KCND3: variants seen among roughly 807,000 people sequenced by gnomAD.
KCND3 encodes the protein A-type voltage-gated potassium channel KCND3.
A neutral mutation model predicts 51.1 loss-of-function variants in KCND3; 9 were observed. The observed-to-expected ratio is 0.18, with a 90% confidence interval of 0.11 to 0.31. KCND3 has a LOEUF of 0.31. Ranked by LOEUF, KCND3 falls within the 10% of genes least tolerant of loss-of-function variation. The probability of loss-of-function intolerance (pLI) is 1.00; values close to 1 mark genes in which losing one functional copy is unlikely to be tolerated. For synonymous variants in KCND3, 349 were observed against 368.0 expected, an observed-to-expected ratio of 0.95 and a Z score of 0.59; for missense variants, 526 against 903.8, an observed-to-expected ratio of 0.58 and a Z score of 5.36.
At chr1:111,812,902 T>A (rs1035362908) in intron 2 of KCND3, among the ~76,000 whole-genome samples, 5 of 152,178 alleles carry the variant, frequency 3.3e-5, no homozygotes, top group African/African-American at 1.2e-4. Flanking sequence ...TCCAGGAAGA[T>A]GTTCTCCCAG....
chr1:111,807,526 A>C (rs947033694), intron 2 of KCND3, among the ~76,000 whole-genome samples: 1 of 152,054 alleles, frequency 6.6e-6, no homozygotes, highest in African/African-American at 2.4e-5. Context: ...AAATACAAAA[A>C]ATAGCTGTGT....
At position 111,823,051 on chromosome 1, in the gene KCND3, G is replaced by A. The variant is rs114685757; in HGVS notation, c.1107-35945C>T. ...CCCAGACAGACGGCGGGGGACCCAC[G>A]GGGTGGCTATGGGCGGAATCACAGA... On this transcript the variant is annotated intron_variant, in intron 2 of 7. Transcript: ENST00000302127. 5.7e-3 allele frequency among the ~76,000 whole-genome samples: 867 copies of A among 152,290 alleles called. 11 individuals are homozygous for A. The highest frequency in any genetic ancestry group is 0.02 in the African/African-American group (823 of 41,554).
intron 1 of KCND3, among the ~76,000 whole-genome samples, chr1:111,986,348 C>G (rs1675285537): frequency 6.6e-6 from 1 of 152,230 alleles, no homozygotes; most frequent in African/African-American, 2.4e-5. Context: ...TGGCTAAGTT[C>G]TGTGTATATG....
intron 2 of KCND3, among the ~76,000 whole-genome samples, chr1:111,793,270 G>T (rs555770226): frequency 6.6e-6 from 1 of 151,472 alleles, no homozygotes; most frequent in African/African-American, 2.4e-5. Flanking sequence ...CTGCCTCCTG[G>T]GTTCATGCCA....
chr1:111,783,505 T>C (rs946576256), intron 3 of KCND3, among the ~76,000 whole-genome samples: 2 of 152,212 alleles, frequency 1.3e-5, no homozygotes, highest in Admixed American at 1.3e-4. Context: ...AATACTTCTA[T>C]CAATCCTTGG....
chr1:111,982,737 GCT>G lies in KCND3; in HGVS notation c.-13_-12del. ...AACTCCGGCCGCCATGGTGACTCCA[GCT>G]CTTGGGCCGGCAGCCGCGCGGACGC... On this transcript the variant is annotated 5_prime_UTR_variant, in exon 2 of 8. Transcript: ENST00000302127. This position sits in a 1 kb window ranked among gnomAD's most constrained non-coding sequence, Gnocchi z 8.5. The G allele has an allele frequency of 4.4e-6, 7 of 1,600,306 alleles. No individual in the cohort carries two copies. Among genetic ancestry groups the G allele is most frequent in the Non-Finnish European group, 5.1e-6 (6 of 1,178,662 alleles).
At chr1:111,800,545 AT>A (rs1465286852) in intron 2 of KCND3, among the ~76,000 whole-genome samples, 2 of 139,944 alleles carry the variant, frequency 1.4e-5, no homozygotes, top group African/African-American at 2.7e-5. Flanking sequence ...CAATAAAAAA[AT>A]AAATTTAAAA....
At chr1:111,892,576 A>G (rs1669881247) in intron 2 of KCND3, among the ~76,000 whole-genome samples, 1 of 152,250 alleles carries the variant, frequency 6.6e-6, no homozygotes, top group Admixed American at 6.5e-5. Context: ...AGACCAGGCT[A>G]TGTTTCCTGG....
chr1:111,806,185 C>A (rs1302079698), intron 2 of KCND3, among the ~76,000 whole-genome samples: 1 of 152,198 alleles, frequency 6.6e-6, no homozygotes, highest in Non-Finnish European at 1.5e-5. Context: ...CGGGGTCACT[C>A]AAAGGGGGGC....
At chr1:111,788,871 C>T (rs1251590254) in intron 2 of KCND3, among the ~76,000 whole-genome samples, 1 of 152,166 alleles carries the variant, frequency 6.6e-6, no homozygotes, top group Non-Finnish European at 1.5e-5. Flanking sequence ...AGATCATAAT[C>T]CTATTGTGAC....
At chr1:111,986,219 C>G (rs930932159) in intron 1 of KCND3, among the ~76,000 whole-genome samples, 9 of 152,222 alleles carry the variant, frequency 5.9e-5, no homozygotes, top group African/African-American at 2.2e-4. Flanking sequence ...GCTCTGGACA[C>G]TGTCTGAGAC....
At chr1:111,779,149 T>A (rs184659280) in intron 5 of KCND3, among the ~76,000 whole-genome samples, 1 of 152,270 alleles carries the variant, frequency 6.6e-6, no homozygotes, top group Admixed American at 6.5e-5. Flanking sequence ...ATCCACAGGG[T>A]CCACATTTGG....
At chr1:111,804,634 G>A (rs672757) in intron 2 of KCND3, among the ~76,000 whole-genome samples, 66,452 of 152,030 alleles carry the variant, frequency 0.44, 14,760 homozygotes, top group African/African-American at 0.47. Context: ...GCTGGGGAGA[G>A]CATGAGAAGT....
At chr1:111,887,051 G>A (rs539140460) in intron 2 of KCND3, among the ~76,000 whole-genome samples, 3 of 152,212 alleles carry the variant, frequency 2.0e-5, no homozygotes, top group East Asian at 1.9e-4. Context: ...TGAGGCATAC[G>A]GAGAGAGAGA....
chr1:111,962,392 C>T (rs994430564), intron 2 of KCND3, among the ~76,000 whole-genome samples: 4 of 152,182 alleles, frequency 2.6e-5, no homozygotes, highest in East Asian at 1.9e-4. Context: ...GGAATGAACA[C>T]GTCTGTGGCT....
chr1:111,853,576 T>C (rs1417690014), intron 2 of KCND3, among the ~76,000 whole-genome samples: 3 of 152,166 alleles, frequency 2.0e-5, no homozygotes, highest in Non-Finnish European at 4.4e-5. Flanking sequence ...CATAGCCTCA[T>C]TCTTTGCTTT....
chr1:111,959,741 T>C (rs1249342612), intron 2 of KCND3, among the ~76,000 whole-genome samples: 2 of 152,182 alleles, frequency 1.3e-5, no homozygotes, highest in East Asian at 3.8e-4. Flanking sequence ...GGTAGAACTC[T>C]AGTAGTGAGC....
At position 111,854,517 on chromosome 1, in the gene KCND3, G is replaced by A. The variant is rs190008087; in HGVS notation, c.1107-67411C>T. 3.1e-3 allele frequency among the ~76,000 whole-genome samples: 465 copies of A among 152,266 alleles called. 5 individuals carry two copies. Among genetic ancestry groups the A allele is most frequent in the African/African-American group, 0.011 (439 of 41,556 alleles). On this transcript the variant is annotated intron_variant, in intron 2 of 7. Transcript: ENST00000302127. ...AAGGCAGAAACCAAGACCTGTGGGAGGTGAGTCGGTTGTCCAGTGGAGGGG... is the reference window on the plus strand; with the variant it reads ...AAGGCAGAAACCAAGACCTGTGGGAAGTGAGTCGGTTGTCCAGTGGAGGGG...
chr1:111,793,573 T>G (rs867717552), intron 2 of KCND3, among the ~76,000 whole-genome samples: 3 of 152,222 alleles, frequency 2.0e-5, no homozygotes, highest in Middle Eastern at 3.2e-3. Context: ...AATGAGTAAA[T>G]TAACTCAATG....
Sources: allele counts gnomAD v4.1 joint callset (sites outside exome capture counted in the v4.1 genomes callset), GRCh38; gene constraint gnomAD v4.1.1; non-coding constraint Gnocchi (gnomAD v3.1); transcripts MANE v1.5; gene names NCBI Gene and HGNC (gene_info 2026-07-23, HGNC 2026-07-21).